JARID2: variants seen among roughly 807,000 people sequenced by gnomAD.
JARID2 encodes the protein protein Jumonji.
A neutral mutation model predicts 125.6 loss-of-function variants in JARID2; 21 were observed. That is an observed-to-expected ratio of 0.17 (90% CI 0.12 to 0.24). JARID2 has a LOEUF of 0.24. JARID2 is among the 10% of genes least tolerant of loss of function. The pLI, the probability that JARID2 is intolerant of heterozygous loss-of-function variation, is 1.00. For missense variants in JARID2, 1,303 were observed against 1,639.6 expected (o/e 0.79, Z 3.55); for synonymous variants, 736 against 661.6 (o/e 1.11, Z -1.73).
chr6:15,339,441 T>C (rs62395378), intron 1 of JARID2, among the ~76,000 whole-genome samples: 13,375 of 152,020 alleles, frequency 0.088, 699 homozygotes, highest in East Asian at 0.15. Context: ...CTCAGTCTCT[T>C]ATAAAAAAGA....
intron 3 of JARID2, among the ~76,000 whole-genome samples, chr6:15,419,705 G>A (rs1316286735): frequency 6.6e-6 from 1 of 152,184 alleles, no homozygotes; most frequent in Non-Finnish European, 1.5e-5. Flanking sequence ...CAGTGACACT[G>A]CCCCACTGTC....
intron 5 of JARID2, among the ~76,000 whole-genome samples, chr6:15,482,460 A>G (rs905685621): frequency 1.1e-4 from 17 of 152,252 alleles, no homozygotes; most frequent in Non-Finnish European, 2.2e-4. Context: ...CAAACCAGTT[A>G]CGTGTTAAAC....
rs115021193 is a variant in JARID2 at position 15,508,014 on chromosome 6, G to A, written c.2732-326G>A. ...CCTGATGGGGGTTTTTGGGTTTGGC[G>A]CCTCTGGTCCTCAGCCTTGAGGCTT... On this transcript the variant is annotated intron_variant, in intron 11 of 17. Transcript: ENST00000341776. Among the ~76,000 whole-genome samples, 158 of 152,350 alleles carry A rather than the reference G, an allele frequency of 1.0e-3. 2 individuals carry two copies. The highest frequency in any genetic ancestry group is 3.6e-3 in the African/African-American group (151 of 41,582).
At chr6:15,412,416 C>T (rs1020860517) in intron 3 of JARID2, among the ~76,000 whole-genome samples, 1 of 152,182 alleles carries the variant, frequency 6.6e-6, no homozygotes, top group Non-Finnish European at 1.5e-5. Flanking sequence ...TCAAGCGATT[C>T]TCATGCCTCA....
At chr6:15,410,146 T>C in intron 2 of JARID2, 78 bp from the exon 3 acceptor site, 2 of 1,296,642 alleles carry the variant, frequency 1.5e-6, no homozygotes, top group South Asian at 1.4e-5. Context: ...TCATCAGCGT[T>C]GTGTAGGGTT....
chr6:15,435,131 A>T (rs1341653675), intron 3 of JARID2, among the ~76,000 whole-genome samples: 1 of 152,070 alleles, frequency 6.6e-6, no homozygotes, highest in African/African-American at 2.4e-5. Flanking sequence ...ACTGACTGAC[A>T]TTTTCCCAGT....
chr6:15,332,935 CTTTTTTTTT>C (rs33921682), intron 1 of JARID2, among the ~76,000 whole-genome samples: 824 of 42,128 alleles, frequency 0.02, 16 homozygotes, highest in African/African-American at 0.06. Flanking sequence ...CTTTTCTTTT[CTTTTTTTTT>C]TTTTTTTTTT....
chr6:15,396,423 T>G (rs978465399), intron 2 of JARID2, among the ~76,000 whole-genome samples: 1 of 152,236 alleles, frequency 6.6e-6, no homozygotes, highest in African/African-American at 2.4e-5. Flanking sequence ...ATGTGTACTA[T>G]GATCCACTAA....
At chr6:15,294,434 C>A (rs1429779472) in intron 1 of JARID2, among the ~76,000 whole-genome samples, 1 of 152,166 alleles carries the variant, frequency 6.6e-6, no homozygotes, top group South Asian at 2.1e-4. Context: ...CCTCGTGATC[C>A]GCCCACCTTG....
At chr6:15,512,128 G>A in intron 13 of JARID2, 80 bp from the exon 14 acceptor site, 3 of 1,185,572 alleles carry the variant, frequency 2.5e-6, no homozygotes, top group Non-Finnish European at 3.6e-6. Flanking sequence ...AGGCCTCTTA[G>A]GGTGCGCATA....
intron 2 of JARID2, among the ~76,000 whole-genome samples, chr6:15,403,349 T>C (rs137895609): frequency 1.6e-4 from 24 of 152,280 alleles, no homozygotes; most frequent in African/African-American, 5.8e-4. Context: ...CTGGGATTGT[T>C]GGTTAGGATG....
chr6:15,260,512 G>A lies in JARID2; in HGVS notation c.45+13928G>A, dbSNP rs181695925. ...GGGCTCTGGGCATATCTAAGCCATG[G>A]GCCAAGTCTCATAGTTGAAGAGGTC... On this transcript the variant is annotated intron_variant, in intron 1 of 17. Coordinates refer to ENST00000341776, the MANE Select transcript of JARID2 (RefSeq NM_004973.4). 7.6e-3 allele frequency among the ~76,000 whole-genome samples: 1,158 copies of A among 152,234 alleles called. 12 individuals are homozygous for A. The highest frequency in any genetic ancestry group is 0.026 in the African/African-American group (1,087 of 41,532).
At chr6:15,352,107 A>G (rs1763449739) in intron 1 of JARID2, among the ~76,000 whole-genome samples, 1 of 152,180 alleles carries the variant, frequency 6.6e-6, no homozygotes, top group African/African-American at 2.4e-5. Flanking sequence ...GAACACAGCT[A>G]GCTCTTCATT....
chr6:15,496,647 C>A lies in JARID2; in HGVS notation c.1422C>A (p.Ala474=). ...AGPAEGPGKK[A]PAERGLLNGH... ...CCGCCGAAGGCCCTGGCAAGAAGGC[C>A]CCGGCCGAGAGAGGTCTGCTGAACG... Residue 474 remains alanine (A), a synonymous_variant, in exon 7 of 18, where the codon GCC becomes GCA. Transcript: ENST00000341776. 1 of 1,611,782 alleles carries A rather than the reference C, an allele frequency of 6.2e-7. No homozygotes were observed. Among genetic ancestry groups the A allele is most frequent in the South Asian group, 1.1e-5 (1 of 90,980 alleles).
chr6:15,255,138 C>CTTTTT (rs753848936), intron 1 of JARID2, among the ~76,000 whole-genome samples: 10 of 121,190 alleles, frequency 8.3e-5, no homozygotes, highest in South Asian at 5.5e-4. Flanking sequence ...ACTAGGAATT[C>CTTTTT]TTTTTTTTTT....
At chr6:15,291,663 G>C (rs188808936) in intron 1 of JARID2, among the ~76,000 whole-genome samples, 22 of 152,328 alleles carry the variant, frequency 1.4e-4, no homozygotes, top group Admixed American at 1.4e-3. Context: ...GTGGGACACC[G>C]TCTCTTGCAC....
At chr6:15,466,986 C>A (rs1768771565) in intron 4 of JARID2, among the ~76,000 whole-genome samples, 1 of 152,216 alleles carries the variant, frequency 6.6e-6, no homozygotes, top group Non-Finnish European at 1.5e-5. Context: ...TTGAAATCTT[C>A]TGTCTACAGA....
intron 11 of JARID2, 134 bp from the exon 12 acceptor site, chr6:15,508,206 T>G (rs1771102660): frequency 1.6e-6 from 1 of 629,538 alleles, no homozygotes; most frequent in Non-Finnish European, 2.9e-6. Context: ...TTCTGCTCAC[T>G]GTCTTTTGTC....
intron 6 of JARID2, among the ~76,000 whole-genome samples, chr6:15,490,943 AATG>A (rs1413712448): frequency 2.6e-5 from 4 of 152,176 alleles, no homozygotes; most frequent in African/African-American, 9.7e-5. Flanking sequence ...GTGAGAAGAA[AATG>A]ATCAACTGGC....
Sources: gnomAD v4.1 joint callset for allele counts (sites outside exome capture counted in the v4.1 genomes callset) on GRCh38, gnomAD v4.1.1 for gene constraint, MANE v1.5 for transcripts, NCBI Gene and HGNC (gene_info 2026-07-23, HGNC 2026-07-21) for gene names.